The following TOP6BL variants were observed in gnomAD, a reference collection of about 807,000 sequenced individuals.
The protein encoded by TOP6BL is type 2 DNA topoisomerase 6 subunit B-like.
the TOP6BL span, among the ~76,000 whole-genome samples, chr11:66,785,883 C>A: frequency 1.3e-5 from 2 of 152,292 alleles, 1 homozygote; most frequent in South Asian, 4.1e-4. Context: ...AGTCTAGGCC[C>A]AAATACTATG....
chr11:66,815,994 A>G, the TOP6BL span: 1 of 1,485,642 alleles, frequency 6.7e-7, no homozygotes, highest in Admixed American at 2.0e-5. Flanking sequence ...TTCTGTAGTC[A>G]CTTTGTATTT....
At chr11:66,796,488 C>T in the TOP6BL span, 276 of 760,392 alleles carry the variant, frequency 3.6e-4, 1 homozygote, top group East Asian at 7.0e-3. Flanking sequence ...ATGATTAAAA[C>T]GTTTAATATT....
At chr11:66,822,706 A>G in the TOP6BL span, 2 of 1,460,838 alleles carry the variant, frequency 1.4e-6, no homozygotes, top group African/African-American at 1.4e-5. Flanking sequence ...GGGATGCTTA[A>G]AAGTGCCAGG....
At chr11:66,796,067 C>A in the TOP6BL span, 3 of 489,680 alleles carry the variant, frequency 6.1e-6, no homozygotes, top group Non-Finnish European at 1.1e-5. Context: ...CTCGTGTCTT[C>A]TGAAGTTCCG....
At chr11:66,761,412 A>C in the TOP6BL span, among the ~76,000 whole-genome samples, 3 of 152,144 alleles carry the variant, frequency 2.0e-5, no homozygotes, top group Non-Finnish European at 4.4e-5. Flanking sequence ...AAAAGAAAAA[A>C]ATGATAATAA....
the TOP6BL span, among the ~76,000 whole-genome samples, chr11:66,781,298 GA>G: frequency 6.6e-6 from 1 of 151,840 alleles, no homozygotes; most frequent in Non-Finnish European, 1.5e-5. Context: ...TGTCTTCAGT[GA>G]TTTTACTGAC....
chr11:66,794,568 A>G, the TOP6BL span, among the ~76,000 whole-genome samples: 3 of 152,162 alleles, frequency 2.0e-5, no homozygotes, highest in African/African-American at 7.2e-5. Context: ...TGGGTACCTA[A>G]TAGAGTTTTT....
At chr11:66,832,505 C>T in the TOP6BL span, among the ~76,000 whole-genome samples, 1 of 152,216 alleles carries the variant, frequency 6.6e-6, no homozygotes, top group Admixed American at 6.5e-5. Flanking sequence ...TTTAGGTGCC[C>T]AGGCACCCAA....
the TOP6BL span, among the ~76,000 whole-genome samples, chr11:66,750,588 TC>T: frequency 6.6e-6 from 1 of 151,376 alleles, no homozygotes; most frequent in African/African-American, 2.4e-5. Flanking sequence ...CCTGCGTGCT[TC>T]CCCCATCTCT....
At chr11:66,788,084 T>A in the TOP6BL span, 1 of 1,040,668 alleles carries the variant, frequency 9.6e-7, no homozygotes, top group Non-Finnish European at 1.5e-6. Context: ...GCTCACCAGT[T>A]TAATAAACAA....
chr11:66,843,074 C>T, the TOP6BL span: 7 of 1,578,034 alleles, frequency 4.4e-6, no homozygotes, highest in Non-Finnish European at 6.0e-6. Flanking sequence ...CTGGAGGTAA[C>T]TGGGCGAGGG....
chr11:66,830,027 A>G, the TOP6BL span, among the ~76,000 whole-genome samples: 3 of 152,160 alleles, frequency 2.0e-5, no homozygotes, highest in African/African-American at 7.3e-5. Context: ...AAGCAGAGAC[A>G]GTCAGAACAA....
the TOP6BL span, chr11:66,843,357 CGGGCGGGGCG>C: frequency 2.4e-5 from 35 of 1,455,266 alleles, no homozygotes; most frequent in Non-Finnish European, 2.5e-5. Context: ...GCGTCGGGCC[CGGGCGGGGCG>C]GGGCGGGGCG....
At chr11:66,806,495 C>T in the TOP6BL span, among the ~76,000 whole-genome samples, 1,031 of 152,260 alleles carry the variant, frequency 6.8e-3, 2 homozygotes, top group Middle Eastern at 0.01. Flanking sequence ...AGGCCGGACA[C>T]GGTGGCTCAT....
At chr11:66,792,698 A>G in the TOP6BL span, among the ~76,000 whole-genome samples, 3 of 152,224 alleles carry the variant, frequency 2.0e-5, no homozygotes, top group Non-Finnish European at 2.9e-5. Flanking sequence ...TCTTACTTGC[A>G]TAGAAACTGC....
the TOP6BL span, among the ~76,000 whole-genome samples, chr11:66,766,655 A>G: frequency 1.3e-5 from 2 of 152,164 alleles, no homozygotes; most frequent in Admixed American, 6.6e-5. Context: ...TCTTCCCTTC[A>G]TTATTCTGCA....
chr11:66,757,569 G>C, the TOP6BL span, among the ~76,000 whole-genome samples: 1 of 152,108 alleles, frequency 6.6e-6, no homozygotes. Context: ...CTTGAAATGT[G>C]GCTAATGTGA....
the TOP6BL span, among the ~76,000 whole-genome samples, chr11:66,787,734 AG>A: frequency 1.3e-5 from 2 of 151,316 alleles, no homozygotes; most frequent in Non-Finnish European, 3.0e-5. Flanking sequence ...AAAAAAAAAA[AG>A]GTACATGCCT....
chr11:66,841,969 T>G, the TOP6BL span, among the ~76,000 whole-genome samples: 2 of 152,080 alleles, frequency 1.3e-5, no homozygotes, highest in African/African-American at 4.8e-5. Context: ...TACCGTCACT[T>G]TGGGGAGCTG....
Sources: gnomAD v4.1 joint callset for allele counts (sites outside exome capture counted in the v4.1 genomes callset) on GRCh38, gnomAD v4.1.1 for gene constraint, MANE v1.5 for transcripts, NCBI Gene and HGNC (gene_info 2026-07-23, HGNC 2026-07-21) for gene names.